The following TENM2 variants were observed in gnomAD, a reference collection of about 807,000 sequenced individuals.
TENM2 encodes teneurin transmembrane protein 2.
In TENM2, 52 loss-of-function variants were observed where a neutral mutation model predicts 245.2. The ratio of observed to expected loss-of-function variants is 0.21; its 90% CI spans 0.17 to 0.27. The LOEUF is 0.27. Ranked by LOEUF, TENM2 falls within the 10% of genes least tolerant of loss-of-function variation. The pLI, the probability that TENM2 is intolerant of heterozygous loss-of-function variation, is 1.00. For missense variants in TENM2, 3,046 were observed against 3,666.8 expected (o/e 0.83, Z 4.37); for synonymous variants, 1,363 against 1,438.9 (o/e 0.95, Z 1.19).
At chr5:167,226,045 T>A in the TENM2 span, among the ~76,000 whole-genome samples, 10 of 151,930 alleles carry the variant, frequency 6.6e-5, no homozygotes, top group Admixed American at 6.6e-4. Context: ...TTTATTTGGG[T>A]CTTCTTTTCT....
At chr5:167,680,548 C>A (rs1269396704) in intron 2 of TENM2, among the ~76,000 whole-genome samples, 1 of 151,892 alleles carries the variant, frequency 6.6e-6, no homozygotes, top group Non-Finnish European at 1.5e-5. Context: ...CGGAGTGACA[C>A]GAGGAGATGC....
intron 2 of TENM2, among the ~76,000 whole-genome samples, chr5:167,601,624 G>A (rs1386413769): frequency 6.6e-6 from 1 of 152,164 alleles, no homozygotes; most frequent in Non-Finnish European, 1.5e-5. Context: ...ATTTTAGTGT[G>A]TTCATAGATT....
chr5:168,124,389 T>C (rs928911220), intron 10 of TENM2, among the ~76,000 whole-genome samples: 10 of 152,372 alleles, frequency 6.6e-5, no homozygotes, highest in Admixed American at 2.0e-4. Context: ...TGAAGTCAAG[T>C]ATTAGTGAAG....
At chr5:167,919,003 G>T (rs1240184179) in intron 3 of TENM2, among the ~76,000 whole-genome samples, 2 of 152,130 alleles carry the variant, frequency 1.3e-5, no homozygotes, top group Non-Finnish European at 2.9e-5. Context: ...ATATGACTCC[G>T]TGTGTGCACT....
chr5:167,747,646 A>G (rs1317096249), intron 2 of TENM2, among the ~76,000 whole-genome samples: 1 of 152,118 alleles, frequency 6.6e-6, no homozygotes, highest in African/African-American at 2.4e-5. Flanking sequence ...CTTTGTGGGG[A>G]AGAAAATGAC....
chr5:167,524,669 GA>G (rs1770985734), intron 2 of TENM2, among the ~76,000 whole-genome samples: 2 of 151,830 alleles, frequency 1.3e-5, no homozygotes, highest in African/African-American at 2.4e-5. Flanking sequence ...TAATCATCTA[GA>G]AAGCTTTCAA....
chr5:167,840,009 C>T (rs568319107), intron 2 of TENM2, among the ~76,000 whole-genome samples: 21 of 152,288 alleles, frequency 1.4e-4, no homozygotes, highest in Non-Finnish European at 2.4e-4. Flanking sequence ...TTAGTAGAGA[C>T]GGAGTTTCAC....
intron 12 of TENM2, among the ~76,000 whole-genome samples, chr5:168,157,573 C>G (rs1042779683): frequency 3.4e-4 from 52 of 152,022 alleles, no homozygotes; most frequent in African/African-American, 1.2e-3. Flanking sequence ...GGAGTTCTTG[C>G]AGTTAAGAGG....
the TENM2 span, among the ~76,000 whole-genome samples, chr5:167,023,643 A>G: frequency 1.3e-5 from 2 of 152,224 alleles, no homozygotes; most frequent in Non-Finnish European, 2.9e-5. Context: ...CAATCAGTCA[A>G]TGAATTAAAA....
intron 19 of TENM2, among the ~76,000 whole-genome samples, chr5:168,210,674 G>A (rs1239202655): frequency 2.0e-5 from 3 of 149,992 alleles, no homozygotes; most frequent in African/African-American, 7.4e-5. Context: ...TAATCCCTGT[G>A]CAAACCCACC....
the TENM2 span, among the ~76,000 whole-genome samples, chr5:167,233,238 A>G: frequency 7.9e-5 from 12 of 152,238 alleles, no homozygotes; most frequent in African/African-American, 2.7e-4. Flanking sequence ...TTTCTAAAAT[A>G]TAACTGTAGC....
intron 2 of TENM2, among the ~76,000 whole-genome samples, chr5:167,858,057 A>G (rs1771255694): frequency 6.6e-6 from 1 of 152,256 alleles, no homozygotes; most frequent in African/African-American, 2.4e-5. Context: ...GACTTCATCT[A>G]GATCATTCTA....
At chr5:167,015,979 G>A in the TENM2 span, among the ~76,000 whole-genome samples, 1 of 152,028 alleles carries the variant, frequency 6.6e-6, no homozygotes, top group Admixed American at 6.6e-5. Flanking sequence ...AGGTGACCAG[G>A]CACGGTGGCT....
At chr5:166,985,731 G>A in the TENM2 span, among the ~76,000 whole-genome samples, 2 of 151,988 alleles carry the variant, frequency 1.3e-5, no homozygotes, top group African/African-American at 2.4e-5. Flanking sequence ...TGTGGAAAAC[G>A]GTCAATCATC....
intron 2 of TENM2, among the ~76,000 whole-genome samples, chr5:167,405,280 A>G (rs952995530): frequency 6.6e-6 from 1 of 151,886 alleles, no homozygotes; most frequent in African/African-American, 2.4e-5. Flanking sequence ...AGCATGGTGC[A>G]AAATAGGCCT....
intron 2 of TENM2, among the ~76,000 whole-genome samples, chr5:167,431,358 G>A (rs1294464983): frequency 6.6e-6 from 1 of 152,042 alleles, no homozygotes; most frequent in East Asian, 1.9e-4. Flanking sequence ...AAAGAAGGCA[G>A]GAAAAATATT....
the TENM2 span, among the ~76,000 whole-genome samples, chr5:167,159,633 A>T: frequency 6.6e-6 from 1 of 152,210 alleles, no homozygotes. Flanking sequence ...AAATTTAAAA[A>T]CATCATTTTA....
At chr5:167,952,623 C>T (rs1267158873) in exon 4 of TENM2, 1 of 1,612,304 alleles carries the variant, frequency 6.2e-7, no homozygotes, top group Non-Finnish European at 8.5e-7. Context: ...GACTCTGAGG[C>T]CCCCTCTCCC....
chr5:167,949,687 A>G (rs1203907660), intron 3 of TENM2, among the ~76,000 whole-genome samples: 1 of 152,132 alleles, frequency 6.6e-6, no homozygotes, highest in African/African-American at 2.4e-5. Context: ...GGTTCACACA[A>G]CTAGAAAGTG....
Sources: allele counts gnomAD v4.1 joint callset (sites outside exome capture counted in the v4.1 genomes callset), GRCh38; gene constraint gnomAD v4.1.1; transcripts MANE v1.5; gene names NCBI Gene and HGNC (gene_info 2026-07-23, HGNC 2026-07-21).